NTRK2: variants seen among roughly 807,000 people sequenced by gnomAD.
NTRK2 encodes neurotrophic receptor tyrosine kinase 2.
A neutral mutation model predicts 94.5 loss-of-function variants in NTRK2; 13 were observed. The ratio of observed to expected loss-of-function variants is 0.14; its 90% CI spans 0.09 to 0.22. The LOEUF is 0.22. Ranked by LOEUF, NTRK2 falls within the 10% of genes least tolerant of loss-of-function variation. The pLI is 1.00. For missense variants in NTRK2, 639 were observed against 1,071.2 expected, an observed-to-expected ratio of 0.60 and a Z score of 5.63; for synonymous variants, 372 against 407.4, an observed-to-expected ratio of 0.91 and a Z score of 1.05.
At chr9:84,918,447 G>T (rs760743052) in intron 14 of NTRK2, among the ~76,000 whole-genome samples, 5 of 152,206 alleles carry the variant, frequency 3.3e-5, no homozygotes, top group Admixed American at 6.5e-5. Context: ...GACATTAGAT[G>T]CAGGGATTCA....
At chr9:84,891,162 G>A (rs1245399091) in intron 14 of NTRK2, among the ~76,000 whole-genome samples, 2 of 152,042 alleles carry the variant, frequency 1.3e-5, no homozygotes, top group African/African-American at 4.8e-5. Flanking sequence ...GGCTGGAATT[G>A]TCAGCCAAGG....
chr9:84,882,612 G>A (rs117893356), intron 14 of NTRK2, among the ~76,000 whole-genome samples: 2 of 152,238 alleles, frequency 1.3e-5, no homozygotes, highest in East Asian at 3.9e-4. Flanking sequence ...CCCATGTCCG[G>A]TAGCAAGCCA....
intron 15 of NTRK2, among the ~76,000 whole-genome samples, chr9:84,941,517 T>C (rs2078408468): frequency 6.6e-6 from 1 of 152,206 alleles, no homozygotes; most frequent in Non-Finnish European, 1.5e-5. Context: ...AGCTGGAGGA[T>C]TCATTTCACA....
intron 14 of NTRK2, among the ~76,000 whole-genome samples, chr9:84,924,424 C>A (rs943380125): frequency 6.6e-6 from 1 of 152,130 alleles, no homozygotes; most frequent in Non-Finnish European, 1.5e-5. Flanking sequence ...GACTGTCTGG[C>A]CCACCTGCCA....
At chr9:84,969,603 C>T (rs549892533) in intron 17 of NTRK2, among the ~76,000 whole-genome samples, 22 of 152,222 alleles carry the variant, frequency 1.4e-4, no homozygotes, top group Admixed American at 6.5e-4. Context: ...GATCTTTTGG[C>T]GGTCTAATAG....
At chr9:84,803,753 G>GT (rs2070773035) in intron 12 of NTRK2, among the ~76,000 whole-genome samples, 1 of 152,166 alleles carries the variant, frequency 6.6e-6, no homozygotes, top group African/African-American at 2.4e-5. Context: ...GGTAATTCAT[G>GT]TTTTTTGTAG....
chr9:84,874,439 C>T (rs1278015225), intron 14 of NTRK2: 2 of 1,065,758 alleles, frequency 1.9e-6, no homozygotes, highest in Non-Finnish European at 2.3e-6. Flanking sequence ...ACCACCGTAG[C>T]TGGGCTTCTT....
chr9:84,841,212 C>T (rs2074164779), intron 12 of NTRK2, among the ~76,000 whole-genome samples: 1 of 152,182 alleles, frequency 6.6e-6, no homozygotes, highest in South Asian at 2.1e-4. Flanking sequence ...CGTATGCCAC[C>T]TATCTGCTCA....
chr9:84,702,265 A>G (rs201179368), intron 3 of NTRK2, 32 bp downstream of exon 3: 17 of 1,610,946 alleles, frequency 1.1e-5, no homozygotes, highest in Non-Finnish European at 1.4e-5. Context: ...ACATTATCTC[A>G]GAGAATTTTC....
intron 14 of NTRK2, among the ~76,000 whole-genome samples, chr9:84,909,852 G>A (rs2077187031): frequency 6.6e-6 from 1 of 151,938 alleles, no homozygotes; most frequent in Non-Finnish European, 1.5e-5. Flanking sequence ...TATAGGACTT[G>A]GAAATATTTT....
In NTRK2 at chr9:84,789,227, C is replaced by T. The variant is rs563664153; in HGVS notation, c.1396+37142C>T. Among the ~76,000 whole-genome samples the T allele has an allele frequency of 2.6e-5, 4 of 152,286 alleles. No individual in the cohort carries two copies. The South Asian group carries it at 8.3e-4, about 32-fold the overall frequency. ...ACACACAGAGAGGCTACTGCCTGTC[C>T]TCAGGTATGGCTGGAAGAGATGATA... On this transcript the variant is annotated intron_variant, in intron 12 of 18. Transcript: ENST00000277120.
At chr9:84,820,639 A>C (rs1406475900) in intron 12 of NTRK2, among the ~76,000 whole-genome samples, 2 of 152,176 alleles carry the variant, frequency 1.3e-5, no homozygotes, top group Non-Finnish European at 2.9e-5. Flanking sequence ...AATTGTTTCA[A>C]ATCTCCTAAA....
chr9:85,014,410 G>A (rs973641771), intron 17 of NTRK2, among the ~76,000 whole-genome samples: 4 of 152,190 alleles, frequency 2.6e-5, no homozygotes, highest in African/African-American at 9.7e-5. Context: ...AACAACTCAT[G>A]GGGAAGAACC....
chr9:84,899,125 A>G (rs1055504985), intron 14 of NTRK2, among the ~76,000 whole-genome samples: 6 of 152,198 alleles, frequency 3.9e-5, no homozygotes, highest in African/African-American at 1.4e-4. Context: ...TAATTCTCCA[A>G]CCTAACATAC....
At chr9:84,930,044 G>T (rs887750320) in intron 14 of NTRK2, among the ~76,000 whole-genome samples, 1 of 152,196 alleles carries the variant, frequency 6.6e-6, no homozygotes, top group Non-Finnish European at 1.5e-5. Context: ...GATATTTTGT[G>T]TAAAGTGAAT....
chr9:84,703,902 T>C (rs1177124066), intron 4 of NTRK2, among the ~76,000 whole-genome samples: 3 of 152,140 alleles, frequency 2.0e-5, no homozygotes, highest in African/African-American at 7.2e-5. Context: ...AAGAGAGAAG[T>C]TGGATAGAAG....
intron 15 of NTRK2, among the ~76,000 whole-genome samples, chr9:84,939,090 A>C (rs2078316844): frequency 6.6e-6 from 1 of 151,644 alleles, no homozygotes; most frequent in Non-Finnish European, 1.5e-5. Flanking sequence ...AAGAAAAAAA[A>C]AGAGTTGACA....
intron 12 of NTRK2, among the ~76,000 whole-genome samples, chr9:84,816,094 A>G (rs1273850352): frequency 6.6e-6 from 1 of 152,190 alleles, no homozygotes; most frequent in Non-Finnish European, 1.5e-5. Flanking sequence ...GGTCACAATA[A>G]GAGAGTATAC....
chr9:84,968,343 C>T lies in NTRK2; in HGVS notation c.2172+12826C>T, dbSNP rs371366687. 1.0e-3 allele frequency among the ~76,000 whole-genome samples: 156 copies of T among 152,238 alleles called. 1 individual carries two copies. In the South Asian group the frequency reaches 0.013, roughly 13 times the overall value. On this transcript the variant is annotated intron_variant, in intron 17 of 18. Coordinates refer to ENST00000277120, the MANE Select transcript of NTRK2 (RefSeq NM_006180.6). ...GCCTGGTGTATTCTCAGAGCTCTGC[C>T]CTTTGTAATCATAAAAGATCCATCT...
Sources: allele counts gnomAD v4.1 joint callset (sites outside exome capture counted in the v4.1 genomes callset), GRCh38; gene constraint gnomAD v4.1.1; transcripts MANE v1.5; gene names NCBI Gene and HGNC (gene_info 2026-07-23, HGNC 2026-07-21).